Variants in MECOM observed in about 807,000 individuals in gnomAD.
The protein encoded by MECOM is MDS1 and EVI1 complex locus, also known as histone-lysine N-methyltransferase MECOM.
Under a neutral mutation model 116.3 loss-of-function variants are expected in MECOM, and 13 were observed. The ratio of observed to expected loss-of-function variants is 0.11; its 90% CI spans 0.07 to 0.18. The LOEUF (loss-of-function observed/expected upper bound fraction) is 0.18. Ranked by LOEUF, MECOM falls within the 10% of genes least tolerant of loss-of-function variation. The pLI is 1.00. For synonymous variants in MECOM, 528 were observed against 535.2 expected (o/e 0.99, Z 0.19); for missense variants, 1,299 against 1,509.0 (o/e 0.86, Z 2.31).
chr3:169,418,326 A>C (rs1739079840), intron 1 of MECOM, among the ~76,000 whole-genome samples: 1 of 152,270 alleles, frequency 6.6e-6, no homozygotes, highest in Non-Finnish European at 1.5e-5. Context: ...AGGTACAAAA[A>C]GGAGCTGGTA....
chr3:169,363,390 C>T (rs1728619978), intron 2 of MECOM, among the ~76,000 whole-genome samples: 1 of 151,952 alleles, frequency 6.6e-6, no homozygotes, highest in Admixed American at 6.6e-5. Flanking sequence ...CAACTGAGTA[C>T]TTAACTCCAT....
intron 1 of MECOM, among the ~76,000 whole-genome samples, chr3:169,491,006 A>C (rs528572827): frequency 1.1e-4 from 17 of 152,184 alleles, no homozygotes; most frequent in Non-Finnish European, 2.4e-4. Context: ...CTATAGGCAC[A>C]TACCACTATC....
At position 169,304,246 on chromosome 3, in the gene MECOM, C is replaced by T. The variant is rs769717434; in HGVS notation, c.375+76941G>A. Among the ~76,000 whole-genome samples the T allele has an allele frequency of 6.0e-4, 91 of 152,168 alleles. 1 individual carries two copies. Among genetic ancestry groups the T allele is most frequent in the African/African-American group, 1.7e-3 (72 of 41,430 alleles). ...AAATGTCAAAGTGAAGCTATTTCCA[C>T]GCACTTCTATACATCATCTGTTCAG... On this transcript the variant is annotated intron_variant, in intron 2 of 16. Coordinates refer to ENST00000651503, the MANE Select transcript of MECOM (RefSeq NM_004991.4).
intron 1 of MECOM, among the ~76,000 whole-genome samples, chr3:169,548,950 G>A (rs1342110717): frequency 2.7e-5 from 4 of 150,516 alleles, no homozygotes; most frequent in Admixed American, 1.3e-4. Flanking sequence ...CCATAAACAC[G>A]TAAAACTGAC....
chr3:169,216,294 T>G (rs1267800394), intron 2 of MECOM, among the ~76,000 whole-genome samples: 2 of 152,218 alleles, frequency 1.3e-5, no homozygotes, highest in Non-Finnish European at 1.5e-5. Flanking sequence ...AAACTACTTT[T>G]TTTCTCACTA....
chr3:169,333,359 AT>A (rs1443533293), intron 2 of MECOM, among the ~76,000 whole-genome samples: 9 of 152,134 alleles, frequency 5.9e-5, no homozygotes, highest in African/African-American at 1.9e-4. Context: ...TAGCCACTGT[AT>A]TTTAGGAATT....
chr3:169,105,458 A>G (rs955234392), intron 10 of MECOM, among the ~76,000 whole-genome samples: 1 of 152,144 alleles, frequency 6.6e-6, no homozygotes, highest in African/African-American at 2.4e-5. Context: ...TTTGACATTC[A>G]TTTTAAATTT....
intron 1 of MECOM, among the ~76,000 whole-genome samples, chr3:169,662,763 G>A (rs1221186196): frequency 6.6e-6 from 1 of 151,896 alleles, no homozygotes; most frequent in African/African-American, 2.4e-5. Flanking sequence ...CTTTTCCCAA[G>A]TCCACCACAG....
At chr3:169,182,097 A>G (rs950753449) in intron 2 of MECOM, among the ~76,000 whole-genome samples, 1 of 152,206 alleles carries the variant, frequency 6.6e-6, no homozygotes, top group Non-Finnish European at 1.5e-5. Flanking sequence ...ACTTGAACTG[A>G]GTCTAAATAT....
chr3:169,181,393 G>A (rs2149396445), intron 2 of MECOM, among the ~76,000 whole-genome samples: 1 of 152,212 alleles, frequency 6.6e-6, no homozygotes, highest in South Asian at 2.1e-4. Context: ...CAGCTGTACT[G>A]GACAATGCAG....
chr3:169,096,559 C>A (rs900039605), intron 12 of MECOM, among the ~76,000 whole-genome samples: 1 of 152,036 alleles, frequency 6.6e-6, no homozygotes, highest in African/African-American at 2.4e-5. Flanking sequence ...TGTGAGCCAC[C>A]GCGTCCAGCC....
At chr3:169,313,758 C>T (rs912695006) in intron 2 of MECOM, among the ~76,000 whole-genome samples, 2 of 152,106 alleles carry the variant, frequency 1.3e-5, no homozygotes, top group Non-Finnish European at 2.9e-5. Context: ...TAAAATGGTT[C>T]TTTAAGAGAG....
At chr3:169,158,501 G>A (rs574682492) in intron 2 of MECOM, among the ~76,000 whole-genome samples, 1 of 152,196 alleles carries the variant, frequency 6.6e-6, no homozygotes, top group Admixed American at 6.5e-5. Context: ...TCCTCAAAAG[G>A]AATCAGTGTT....
intron 1 of MECOM, among the ~76,000 whole-genome samples, chr3:169,566,481 G>C (rs1763256323): frequency 6.6e-6 from 1 of 152,208 alleles, no homozygotes; most frequent in South Asian, 2.1e-4. Flanking sequence ...AATATCAAAA[G>C]CTACAACCAC....
At chr3:169,366,148 T>C (rs943067917) in intron 2 of MECOM, among the ~76,000 whole-genome samples, 3 of 151,956 alleles carry the variant, frequency 2.0e-5, no homozygotes, top group Non-Finnish European at 4.4e-5. Context: ...GGAATGACCT[T>C]CAGATTTATC....
Position 169,443,121 on chromosome 3 carries a change from G to A in MECOM, c.38-61597C>T, listed in dbSNP as rs536352187. Reference sequence around the variant, plus strand: ...ATATTTGAAAGTATCTACCAGAACTGGGATTTCTCTCCTTCCAATCTGCTT... The same window carrying A: ...ATATTTGAAAGTATCTACCAGAACTAGGATTTCTCTCCTTCCAATCTGCTT... On this transcript the variant is annotated intron_variant, in intron 1 of 16. Transcript: ENST00000651503. 1.2e-4 allele frequency among the ~76,000 whole-genome samples: 19 copies of A among 152,256 alleles called. No homozygotes were observed. The South Asian group carries it at 3.7e-3, about 30-fold the overall frequency.
chr3:169,107,022 C>G (rs1345513733), intron 10 of MECOM, among the ~76,000 whole-genome samples: 1 of 152,042 alleles, frequency 6.6e-6, no homozygotes. Context: ...GAAGGAATTT[C>G]TCATAAAGAA....
intron 1 of MECOM, among the ~76,000 whole-genome samples, chr3:169,548,184 C>T (rs533262321): frequency 1.3e-5 from 2 of 151,906 alleles, no homozygotes; most frequent in Non-Finnish European, 2.9e-5. Context: ...GGAAGTCACA[C>T]ACACACAAAA....
chr3:169,348,444 A>G (rs13322424), intron 2 of MECOM, among the ~76,000 whole-genome samples: 58,283 of 151,748 alleles, frequency 0.38, 12,939 homozygotes, highest in East Asian at 0.62. Context: ...GCCAAGATCC[A>G]CCAGCCCTGA....
Sources: gnomAD v4.1 joint callset for allele counts (sites outside exome capture counted in the v4.1 genomes callset) on GRCh38, gnomAD v4.1.1 for gene constraint, MANE v1.5 for transcripts, NCBI Gene and HGNC (gene_info 2026-07-23, HGNC 2026-07-21) for gene names.